Variants in AGMO observed in about 807,000 individuals in gnomAD.
The protein encoded by AGMO is alkylglycerol monooxygenase.
AGMO carries 75 observed loss-of-function variants against 60.2 expected under a neutral mutation model. The ratio of observed to expected loss-of-function variants is 1.25; its 90% CI spans 1.03 to 1.51. The LOEUF (loss-of-function observed/expected upper bound fraction) is 1.51, where lower values mean the gene tolerates loss of function less well. Ranked by LOEUF, AGMO falls within the 40% of genes most tolerant of loss-of-function variation. The pLI, the probability that AGMO is intolerant of heterozygous loss-of-function variation, is 0.00. For missense variants in AGMO, 763 were observed against 525.5 expected (o/e 1.45, Z -4.42); for synonymous variants, 261 against 177.1 (o/e 1.47, Z -3.76).
intron 4 of AGMO, among the ~76,000 whole-genome samples, chr7:15,428,437 T>C (rs1781131410): frequency 6.6e-6 from 1 of 152,168 alleles, no homozygotes; most frequent in Non-Finnish European, 1.5e-5. Context: ...CAACATGGCA[T>C]GAGTTTGTAA....
At chr7:15,152,314 C>T in the AGMO span, among the ~76,000 whole-genome samples, 631 of 152,032 alleles carry the variant, frequency 4.2e-3, 6 homozygotes, top group African/African-American at 0.014. Flanking sequence ...CAGTTCAGGG[C>T]GGCACTGAAG....
intron 5 of AGMO, chr7:15,395,905 G>A (rs1784357520): frequency 6.6e-6 from 1 of 152,136 alleles, no homozygotes. Flanking sequence ...TAGGTGGGGT[G>A]ACCATATCCT....
intron 12 of AGMO, among the ~76,000 whole-genome samples, chr7:15,336,021 T>G (rs1445573306): frequency 6.6e-6 from 1 of 152,162 alleles, no homozygotes; most frequent in East Asian, 1.9e-4. Context: ...ATTGAAGACC[T>G]GGAGCCCTGT....
At chr7:15,347,955 C>A (rs1175092854) in intron 12 of AGMO, among the ~76,000 whole-genome samples, 1 of 152,018 alleles carries the variant, frequency 6.6e-6, no homozygotes, top group Admixed American at 6.6e-5. Flanking sequence ...CTGCTTATAA[C>A]TTTTCTTGAC....
At chr7:15,285,187 T>C (rs1244284311) in intron 12 of AGMO, among the ~76,000 whole-genome samples, 8 of 151,650 alleles carry the variant, frequency 5.3e-5, no homozygotes, top group Admixed American at 5.3e-4. Flanking sequence ...ATGTCCACTT[T>C]CACTACTTCT....
At chr7:15,177,828 AT>A in the AGMO span, among the ~76,000 whole-genome samples, 1 of 152,094 alleles carries the variant, frequency 6.6e-6, no homozygotes, top group Non-Finnish European at 1.5e-5. Context: ...TACTATTTCT[AT>A]TGGGGGATTG....
chr7:15,170,105 G>C, the AGMO span, among the ~76,000 whole-genome samples: 412 of 152,304 alleles, frequency 2.7e-3, no homozygotes, highest in African/African-American at 6.7e-3. Flanking sequence ...CAAGAAAGCA[G>C]GTTGTCATGT....
intron 12 of AGMO, among the ~76,000 whole-genome samples, chr7:15,271,356 G>A (rs181224895): frequency 1.3e-5 from 2 of 152,130 alleles, no homozygotes; most frequent in East Asian, 3.9e-4. Context: ...TCAGTGTTTT[G>A]TAGTTCTCCT....
rs1479862645 is a variant in AGMO at position 15,200,433 on chromosome 7, G to A, written c.*852C>T. ...AATTGACCAAGCATATTAGAGAAAT[G>A]TATGACAAAGTAACCTGTTGAAAAA... On this transcript the variant is annotated 3_prime_UTR_variant, in exon 13 of 13. Coordinates refer to ENST00000342526, the MANE Select transcript of AGMO (RefSeq NM_001004320.2). 6.6e-6 allele frequency: 1 copy of A among 152,236 alleles called. No individual in the cohort carries two copies. The highest frequency in any genetic ancestry group is 2.4e-5 in the African/African-American group (1 of 41,480). 9.4% of individuals were successfully genotyped at this position (152,236 alleles called of 1,614,324 possible).
chr7:15,520,387 G>A (rs1050611344), intron 3 of AGMO, among the ~76,000 whole-genome samples: 13 of 152,118 alleles, frequency 8.5e-5, no homozygotes, highest in Non-Finnish European at 1.6e-4. Context: ...CAAACCAACA[G>A]GACATACATT....
At chr7:15,334,135 A>G (rs1386121405) in intron 12 of AGMO, among the ~76,000 whole-genome samples, 1 of 152,086 alleles carries the variant, frequency 6.6e-6, no homozygotes, top group African/African-American at 2.4e-5. Context: ...AACTCATAAC[A>G]AAGGCTTTAA....
At chr7:15,417,242 G>C (rs921794631) in intron 5 of AGMO, among the ~76,000 whole-genome samples, 1 of 152,150 alleles carries the variant, frequency 6.6e-6, no homozygotes, top group Non-Finnish European at 1.5e-5. Context: ...TTTTGAAGTG[G>C]AAATGAAGCC....
intron 3 of AGMO, among the ~76,000 whole-genome samples, chr7:15,523,842 A>G (rs1784060225): frequency 6.6e-6 from 1 of 152,170 alleles, no homozygotes; most frequent in South Asian, 2.1e-4. Context: ...ATAATAATAA[A>G]AAAGACACCC....
In AGMO at chr7:15,254,102, TTTTCTTTTTATTC is replaced by T. The variant is rs924270618; in HGVS notation, c.1264-52756_1264-52744del. ...ATTGTGGATATGTGTAATATCCATA[TTTTCTTTTTATTC>T]TTTCTTTTTTCCATTCATCCATTGA... is the stretch of plus-strand genomic sequence containing the variant. On this transcript the variant is annotated intron_variant, in intron 12 of 12. Transcript: ENST00000342526. Among the ~76,000 whole-genome samples the T allele has an allele frequency of 3.9e-5, 6 of 152,284 alleles. No individual in the cohort carries two copies. In the East Asian group the frequency reaches 9.7e-4, roughly 25 times the overall value.
chr7:15,466,730 A>T (rs914661152), intron 3 of AGMO, among the ~76,000 whole-genome samples: 1 of 152,210 alleles, frequency 6.6e-6, no homozygotes, highest in Non-Finnish European at 1.5e-5. Flanking sequence ...TAAGGAGTTA[A>T]AGAAATTATT....
intron 10 of AGMO, among the ~76,000 whole-genome samples, chr7:15,380,664 G>GA (rs1783643117): frequency 6.6e-6 from 1 of 152,078 alleles, no homozygotes; most frequent in Non-Finnish European, 1.5e-5. Flanking sequence ...ATTCTTCACA[G>GA]AATTAGAAAA....
At chr7:15,384,122 A>G (rs866861630) in intron 10 of AGMO, among the ~76,000 whole-genome samples, 2 of 151,998 alleles carry the variant, frequency 1.3e-5, no homozygotes, top group East Asian at 1.9e-4. Flanking sequence ...ATTTTTCAGT[A>G]GAGACGTGGT....
At chr7:15,508,209 C>G (rs922711945) in intron 3 of AGMO, among the ~76,000 whole-genome samples, 1 of 152,006 alleles carries the variant, frequency 6.6e-6, no homozygotes, top group Admixed American at 6.6e-5. Context: ...AATAATAATA[C>G]TTGTGAGGTT....
chr7:15,234,555 T>G (rs967946763), intron 12 of AGMO, among the ~76,000 whole-genome samples: 1 of 152,178 alleles, frequency 6.6e-6, no homozygotes, highest in Non-Finnish European at 1.5e-5. Context: ...TGTTTTTGTG[T>G]TTTTCTTATA....
Sources: allele counts gnomAD v4.1 joint callset (sites outside exome capture counted in the v4.1 genomes callset), GRCh38; gene constraint gnomAD v4.1.1; transcripts MANE v1.5; gene names NCBI Gene and HGNC (gene_info 2026-07-23, HGNC 2026-07-21).